The following ROBO1 variants were observed in gnomAD, a reference collection of about 807,000 sequenced individuals.
ROBO1 encodes the protein roundabout homolog 1.
ROBO1 carries 149 observed loss-of-function variants against 195.9 expected under a neutral mutation model. The observed-to-expected ratio is 0.76, with a 90% CI of 0.67 to 0.87. The LOEUF (loss-of-function observed/expected upper bound fraction) is 0.87, where lower values mean the gene tolerates loss of function less well. Ranked by LOEUF, ROBO1 falls within the 40% of genes least tolerant of loss-of-function variation. The pLI, the probability that ROBO1 is intolerant of heterozygous loss-of-function variation, is 0.00. For missense variants in ROBO1, 1,933 were observed against 2,068.3 expected, an observed-to-expected ratio of 0.93 and a Z score of 1.27; for synonymous variants, 816 against 733.2, an observed-to-expected ratio of 1.11 and a Z score of -1.82.
chr3:79,760,145 G>A (rs1704608969), intron 1 of ROBO1, among the ~76,000 whole-genome samples: 1 of 145,496 alleles, frequency 6.9e-6, no homozygotes, highest in Non-Finnish European at 1.5e-5. Flanking sequence ...GCTGAGCCAG[G>A]AGAATTGCTT....
chr3:78,680,426 C>G (rs894979133), intron 10 of ROBO1, among the ~76,000 whole-genome samples: 1 of 152,008 alleles, frequency 6.6e-6, no homozygotes, highest in African/African-American at 2.4e-5. Flanking sequence ...TTTTCACAAC[C>G]TACTCATCTG....
intron 8 of ROBO1, among the ~76,000 whole-genome samples, chr3:78,691,270 T>G (rs4263256): frequency 0.26 from 38,760 of 151,954 alleles, 5,124 homozygotes; most frequent in African/African-American, 0.32. Context: ...ATGATGAAAT[T>G]TTGGATTTTT....
At chr3:79,195,887 G>A (rs755553617) in intron 2 of ROBO1, among the ~76,000 whole-genome samples, 9 of 150,622 alleles carry the variant, frequency 6.0e-5, no homozygotes, top group Non-Finnish European at 1.0e-4. Flanking sequence ...TATTAATTGT[G>A]AGCTCCAAAT....
chr3:78,738,090 C>A (rs1214199911), intron 5 of ROBO1, among the ~76,000 whole-genome samples: 1 of 151,944 alleles, frequency 6.6e-6, no homozygotes, highest in Admixed American at 6.6e-5. Flanking sequence ...AAGCACTAAT[C>A]GAAGGAAGGG....
intron 2 of ROBO1, among the ~76,000 whole-genome samples, chr3:79,529,848 G>C (rs1284441553): frequency 1.3e-5 from 2 of 152,158 alleles, no homozygotes; most frequent in Admixed American, 1.3e-4. Flanking sequence ...TAGTGAAAAT[G>C]TATTGTTTAA....
At chr3:79,116,446 C>A (rs2080001602) in intron 3 of ROBO1, among the ~76,000 whole-genome samples, 1 of 147,854 alleles carries the variant, frequency 6.8e-6, no homozygotes, top group South Asian at 2.1e-4. Flanking sequence ...CCTTTCCTTT[C>A]CCTTTCCCTT....
intron 3 of ROBO1, among the ~76,000 whole-genome samples, chr3:78,967,400 C>A (rs2076671373): frequency 6.9e-6 from 1 of 145,812 alleles, no homozygotes; most frequent in Non-Finnish European, 1.5e-5. Context: ...CAATTCCAAG[C>A]CAAGCCTAGT....
At chr3:79,057,328 T>A (rs943959189) in intron 3 of ROBO1, among the ~76,000 whole-genome samples, 1 of 152,062 alleles carries the variant, frequency 6.6e-6, no homozygotes, top group Non-Finnish European at 1.5e-5. Context: ...AAAGAGGATA[T>A]GTTTATGTTT....
intron 2 of ROBO1, among the ~76,000 whole-genome samples, chr3:79,542,907 A>G (rs956502236): frequency 2.6e-5 from 4 of 152,076 alleles, no homozygotes; most frequent in African/African-American, 7.2e-5. Flanking sequence ...AATTCATTTT[A>G]ATTAACAAAA....
intron 4 of ROBO1, among the ~76,000 whole-genome samples, chr3:78,858,842 T>C (rs1214447962): frequency 6.8e-6 from 1 of 147,190 alleles, no homozygotes; most frequent in Admixed American, 7.0e-5. Flanking sequence ...TAGGTGAGTA[T>C]CCAAAACACT....
chr3:79,464,527 T>C (rs987877215), intron 2 of ROBO1, among the ~76,000 whole-genome samples: 1 of 152,216 alleles, frequency 6.6e-6, no homozygotes, highest in Non-Finnish European at 1.5e-5. Context: ...TAAACATCTT[T>C]TCATGTGCTT....
rs77982510 is a variant in ROBO1, at chr3:78,681,943, G to A, written c.1342+3803C>T. The stretch of plus-strand genomic sequence containing the variant: ...CAAGCACAATGATTAGGGCACGTGA[G>A]CAACACAGTATTCAGAGCTGAACCT... On this transcript the variant is annotated intron_variant, in intron 10 of 30. Transcript: ENST00000464233. Among the ~76,000 whole-genome samples, 797 of 152,240 alleles carry A rather than the reference G, an allele frequency of 5.2e-3. 3 individuals are homozygous for A. The highest frequency in any genetic ancestry group is 0.024 in the Middle Eastern group (7 of 294).
intron 3 of ROBO1, among the ~76,000 whole-genome samples, chr3:79,094,462 C>A (rs2079530237): frequency 6.6e-6 from 1 of 152,018 alleles, no homozygotes; most frequent in Non-Finnish European, 1.5e-5. Context: ...CAGAAAAGGA[C>A]CTCCAGGTCT....
rs148896296 is a variant in ROBO1 at position 78,972,121 on chromosome 3, A to G, written c.173-33194T>C. Among the ~76,000 whole-genome samples the G allele has an allele frequency of 3.9e-3, 593 of 152,324 alleles. 10 individuals carry two copies. Among genetic ancestry groups the G allele is most frequent in the East Asian group, 0.032 (167 of 5,172 alleles). On this transcript the variant is annotated intron_variant, in intron 3 of 30. Coordinates refer to ENST00000464233, the MANE Select transcript of ROBO1 (RefSeq NM_002941.4). The stretch of plus-strand genomic sequence containing the variant: ...TTAAACACATTCCTTATAAATAGTC[A>G]TAACAAGGAACATAGCCATTGGTCA...
chr3:78,695,676 T>TA (rs2081273774), intron 8 of ROBO1, among the ~76,000 whole-genome samples: 1 of 151,200 alleles, frequency 6.6e-6, no homozygotes. Flanking sequence ...TTATAGCCTA[T>TA]TAAGGATCTT....
chr3:79,146,684 AAATGT>A (rs747582560), intron 2 of ROBO1, among the ~76,000 whole-genome samples: 4 of 152,000 alleles, frequency 2.6e-5, no homozygotes, highest in Non-Finnish European at 4.4e-5. Flanking sequence ...GCAAAGAATT[AAATGT>A]ATGCTACTTT....
intron 10 of ROBO1, among the ~76,000 whole-genome samples, chr3:78,675,837 G>C (rs559450983): frequency 0.017 from 2,534 of 152,194 alleles, 64 homozygotes; most frequent in African/African-American, 0.056. Context: ...CTCCCAGCAC[G>C]CAGCTGGAGA....
At chr3:79,141,209 G>A (rs1186406965) in intron 2 of ROBO1, among the ~76,000 whole-genome samples, 2 of 152,032 alleles carry the variant, frequency 1.3e-5, no homozygotes, top group African/African-American at 2.4e-5. Flanking sequence ...ATCATGTGAC[G>A]ACTGCGATTC....
At chr3:79,558,300 G>A (rs759102100) in intron 2 of ROBO1, among the ~76,000 whole-genome samples, 15 of 152,180 alleles carry the variant, frequency 9.9e-5, no homozygotes, top group South Asian at 2.1e-4. Flanking sequence ...ACGTAAAGAC[G>A]ATGAAGGAAC....
Sources: gnomAD v4.1 joint callset for allele counts (sites outside exome capture counted in the v4.1 genomes callset) on GRCh38, gnomAD v4.1.1 for gene constraint, MANE v1.5 for transcripts, NCBI Gene and HGNC (gene_info 2026-07-23, HGNC 2026-07-21) for gene names.